Variants in SENP8 observed in about 807,000 individuals in gnomAD.
The protein encoded by SENP8 is SUMO peptidase family member, NEDD8 specific.
A neutral mutation model predicts 14.4 loss-of-function variants in SENP8; 10 were observed. That is an observed-to-expected ratio of 0.69 (90% CI 0.43 to 1.18). The LOEUF is 1.18. Among genes scored for constraint, SENP8 ranks in the 50% most tolerant of loss-of-function variants. The pLI is 0.00. For missense variants in SENP8, 202 were observed against 249.4 expected (o/e 0.81, Z 1.28); for synonymous variants, 94 against 95.5 (o/e 0.98, Z 0.09).
At chr15:72,127,472 A>G (rs1290095454) in intron 1 of SENP8, among the ~76,000 whole-genome samples, 2 of 152,136 alleles carry the variant, frequency 1.3e-5, no homozygotes, top group Non-Finnish European at 2.9e-5. Flanking sequence ...AGCTTGGTGT[A>G]TTTGAGGAGT....
At chr15:72,125,242 A>G (rs998579580) in intron 1 of SENP8, among the ~76,000 whole-genome samples, 5 of 152,186 alleles carry the variant, frequency 3.3e-5, no homozygotes, top group African/African-American at 9.6e-5. Context: ...TGACAGTCCT[A>G]TCAAAATGGG....
intron 1 of SENP8, among the ~76,000 whole-genome samples, chr15:72,133,728 G>A (rs1331383572): frequency 6.6e-6 from 1 of 152,146 alleles, no homozygotes; most frequent in Non-Finnish European, 1.5e-5. Flanking sequence ...TAAAATAATG[G>A]TATATGCAGT....
intron 1 of SENP8, chr15:72,135,493 G>A (rs2081319149): frequency 6.6e-6 from 1 of 151,600 alleles, no homozygotes. Flanking sequence ...AGGAAAGTGA[G>A]AGTTAAGGAA....
intron 1 of SENP8, among the ~76,000 whole-genome samples, chr15:72,133,516 A>G (rs2081295848): frequency 6.6e-6 from 1 of 152,200 alleles, no homozygotes; most frequent in African/African-American, 2.4e-5. Context: ...CTTTTATGCC[A>G]CTTTCCTCAA....
At chr15:72,130,855 G>A (rs948328718) in intron 1 of SENP8, among the ~76,000 whole-genome samples, 1 of 152,128 alleles carries the variant, frequency 6.6e-6, no homozygotes, top group African/African-American at 2.4e-5. Context: ...GAGCCACTGC[G>A]CCCGGCAGGA....
chr15:72,116,097 T>C (rs149868586), upstream of SENP8, among the ~76,000 whole-genome samples: 89 of 152,288 alleles, frequency 5.8e-4, no homozygotes, highest in African/African-American at 2.1e-3. Context: ...GGTTTATATA[T>C]TGGAAATATC....
chr15:72,136,240 C>T (rs541973038), intron 1 of SENP8, among the ~76,000 whole-genome samples: 6 of 152,290 alleles, frequency 3.9e-5, no homozygotes, highest in Admixed American at 3.3e-4. Flanking sequence ...AAAAAACTAT[C>T]GGACTATAAT....
chr15:72,119,868 C>G (rs899207179), intron 1 of SENP8, among the ~76,000 whole-genome samples: 1 of 152,222 alleles, frequency 6.6e-6, no homozygotes, highest in Non-Finnish European at 1.5e-5. Flanking sequence ...AGGAGCCACT[C>G]TTGCCTTTCT....
At chr15:72,134,733 G>A (rs1408916730) in intron 1 of SENP8, 3 of 228,762 alleles carry the variant, frequency 1.3e-5, no homozygotes, top group Non-Finnish European at 2.7e-5. Flanking sequence ...CCATGTATAT[G>A]CGAATCTATA....
intron 1 of SENP8, chr15:72,139,314 G>A (rs902830776): frequency 1.1e-5 from 3 of 281,316 alleles, no homozygotes; most frequent in African/African-American, 6.6e-5. Flanking sequence ...TCATTAAGTG[G>A]AAATGGATCG....
intron 1 of SENP8, among the ~76,000 whole-genome samples, chr15:72,122,457 T>G (rs2081177359): frequency 6.6e-6 from 1 of 152,218 alleles, no homozygotes; most frequent in Non-Finnish European, 1.5e-5. Context: ...CTATAGAAAC[T>G]TACTGCTCAA....
rs1220637667 is a variant in SENP8, at chr15:72,140,100, C to T, written c.477C>T (p.Asn159=). ...FVEEKAPAQQ[N]SYDCGMYVIC... is the part of the protein sequence containing the mutation. ...AAGAGAAAGCCCCTGCCCAACAAAA[C>T]AGCTATGACTGTGGGATGTACGTGA... Residue 159 remains asparagine (N), a synonymous_variant, in exon 2 of 2, where the codon AAC becomes AAT. Transcript: ENST00000340912. 1 of 1,614,062 alleles carries T rather than the reference C, an allele frequency of 6.2e-7. No homozygotes were observed.
chr15:72,136,100 G>A (rs553092998), intron 1 of SENP8, among the ~76,000 whole-genome samples: 112 of 152,238 alleles, frequency 7.4e-4, no homozygotes, highest in African/African-American at 2.6e-3. Context: ...ATTGATCTGT[G>A]CCCATTTGCC....
chr15:72,119,724 G>C (rs977798827), intron 1 of SENP8, among the ~76,000 whole-genome samples: 1 of 152,136 alleles, frequency 6.6e-6, no homozygotes, highest in Non-Finnish European at 1.5e-5. Context: ...CTCCAGCCTG[G>C]GTGACAGAGC....
intron 1 of SENP8, among the ~76,000 whole-genome samples, chr15:72,138,705 G>C (rs1356780042): frequency 6.6e-6 from 1 of 151,248 alleles, no homozygotes; most frequent in Non-Finnish European, 1.5e-5. Context: ...GCTCACGCCT[G>C]TAATTCCAGC....
chr15:72,130,775 C>T (rs2081266529), intron 1 of SENP8, among the ~76,000 whole-genome samples: 1 of 151,982 alleles, frequency 6.6e-6, no homozygotes, highest in South Asian at 2.1e-4. Flanking sequence ...GTTGGTCAGG[C>T]CAGTCTCGAA....
chr15:72,127,167 C>A lies in SENP8; in HGVS notation c.-48+8703C>A, dbSNP rs28663692. Among the ~76,000 whole-genome samples, 859 of 152,228 alleles carry A rather than the reference C, an allele frequency of 5.6e-3. 11 individuals are homozygous for A. Among genetic ancestry groups the A allele is most frequent in the African/African-American group, 0.02 (813 of 41,524 alleles). On this transcript the variant is annotated intron_variant, in intron 1 of 1. Coordinates refer to ENST00000340912, the MANE Select transcript of SENP8 (RefSeq NM_145204.4). Reference sequence around the variant, plus strand: ...AAAATGGCAAACAAGGCAGACAAGGCCCCTCGTCGTCTTATTTTCATAGAG... The same window carrying A: ...AAAATGGCAAACAAGGCAGACAAGGACCCTCGTCGTCTTATTTTCATAGAG...
At chr15:72,139,552 T>C (rs933948973) in intron 1 of SENP8, 25 bp from the exon 2 acceptor site, 2 of 1,530,512 alleles carry the variant, frequency 1.3e-6, no homozygotes, top group African/African-American at 2.8e-5. Flanking sequence ...GTCAGGTATT[T>C]ATTGACAATA....
At chr15:72,131,362 C>T (rs952601671) in intron 1 of SENP8, among the ~76,000 whole-genome samples, 10 of 152,150 alleles carry the variant, frequency 6.6e-5, no homozygotes, top group African/African-American at 2.2e-4. Flanking sequence ...AATTGTAGAT[C>T]TGAACTGAAT....
Sources: gnomAD v4.1 joint callset for allele counts (sites outside exome capture counted in the v4.1 genomes callset) on GRCh38, gnomAD v4.1.1 for gene constraint, MANE v1.5 for transcripts, NCBI Gene and HGNC (gene_info 2026-07-23, HGNC 2026-07-21) for gene names.